HPCAL1: variants seen among roughly 807,000 people sequenced by gnomAD.
HPCAL1 encodes the protein hippocalcin-like protein 1.
Under a neutral mutation model 17.1 loss-of-function variants are expected in HPCAL1, and 8 were observed. That is an observed-to-expected ratio of 0.47 (90% CI 0.27 to 0.84). The LOEUF (loss-of-function observed/expected upper bound fraction) is 0.84, where lower values mean the gene tolerates loss of function less well. Among genes scored for constraint, HPCAL1 ranks in the 40% least tolerant of loss-of-function variants. HPCAL1 has a pLI of 0.13. For synonymous variants in HPCAL1, 112 were observed against 111.4 expected (o/e 1.01, Z -0.03); for missense variants, 165 against 271.1 (o/e 0.61, Z 2.75).
At chr2:10,375,609 A>G (rs554461700) in intron 1 of HPCAL1, among the ~76,000 whole-genome samples, 7 of 152,374 alleles carry the variant, frequency 4.6e-5, no homozygotes, top group East Asian at 1.9e-4. Context: ...ATTGACATCA[A>G]TTTGAGCCCA....
chr2:10,346,605 G>A (rs147142193), intron 1 of HPCAL1, among the ~76,000 whole-genome samples: 1 of 152,156 alleles, frequency 6.6e-6, no homozygotes, highest in South Asian at 2.1e-4. Context: ...TGACATAACC[G>A]GTCTACCAGG....
intron 1 of HPCAL1, among the ~76,000 whole-genome samples, chr2:10,372,226 C>T (rs538464119): frequency 1.7e-3 from 264 of 152,188 alleles, no homozygotes; most frequent in Middle Eastern, 3.4e-3. Flanking sequence ...TGAGCCATGG[C>T]GAGGAAGCTG....
intron 1 of HPCAL1, among the ~76,000 whole-genome samples, chr2:10,341,801 C>T (rs757885537): frequency 2.4e-4 from 37 of 152,026 alleles, no homozygotes; most frequent in Non-Finnish European, 4.0e-4. Context: ...CTGATTACCA[C>T]GGGAAAAATT....
intron 1 of HPCAL1, among the ~76,000 whole-genome samples, chr2:10,364,276 C>T (rs959742876): frequency 2.0e-5 from 3 of 152,184 alleles, no homozygotes; most frequent in African/African-American, 4.8e-5. Flanking sequence ...GGGGTCCCTC[C>T]GGGAAGCTGA....
chr2:10,407,001 C>T (rs957949995), intron 2 of HPCAL1, among the ~76,000 whole-genome samples: 1 of 152,116 alleles, frequency 6.6e-6, no homozygotes. Context: ...TCCAAAGACT[C>T]AAGCTGGAGT....
intron 2 of HPCAL1, among the ~76,000 whole-genome samples, chr2:10,412,037 G>C (rs143151404): frequency 2.5e-4 from 38 of 152,322 alleles, no homozygotes; most frequent in African/African-American, 8.9e-4. Context: ...GTTGGTCAGG[G>C]GTGGCTAATT....
chr2:10,335,980 C>T (rs544079927), intron 1 of HPCAL1, among the ~76,000 whole-genome samples: 16 of 139,124 alleles, frequency 1.2e-4, no homozygotes, highest in African/African-American at 4.5e-4. Context: ...TTCATATCCT[C>T]TGCTGTAAAT....
At chr2:10,407,877 G>C (rs10200205) in intron 2 of HPCAL1, among the ~76,000 whole-genome samples, 1,678 of 152,328 alleles carry the variant, frequency 0.011, 37 homozygotes, top group African/African-American at 0.039. Context: ...GAAGTGACGC[G>C]TTCAAAGCTG....
chr2:10,324,905 C>G (rs902897101), intron 1 of HPCAL1, among the ~76,000 whole-genome samples: 3 of 142,244 alleles, frequency 2.1e-5, no homozygotes, highest in Non-Finnish European at 3.0e-5. Context: ...TCACTGCAAT[C>G]TCCACCTCCC....
At chr2:10,320,423 C>A (rs567653619) in intron 1 of HPCAL1, among the ~76,000 whole-genome samples, 4 of 152,264 alleles carry the variant, frequency 2.6e-5, no homozygotes, top group Non-Finnish European at 5.9e-5. Flanking sequence ...AAGTGTGAAG[C>A]ACCTCCCCCT....
chr2:10,405,520 G>T (rs1161375589), intron 2 of HPCAL1, among the ~76,000 whole-genome samples: 1 of 152,258 alleles, frequency 6.6e-6, no homozygotes, highest in Non-Finnish European at 1.5e-5. Flanking sequence ...GTGAAACACG[G>T]TTCCCTGGGG....
At chr2:10,316,359 A>G (rs1663313194) in intron 1 of HPCAL1, among the ~76,000 whole-genome samples, 1 of 152,134 alleles carries the variant, frequency 6.6e-6, no homozygotes, top group African/African-American at 2.4e-5. Flanking sequence ...TGACCCCCAG[A>G]GAATGGGCCT....
chr2:10,412,779 C>A (rs1670433763), intron 2 of HPCAL1, among the ~76,000 whole-genome samples: 1 of 152,184 alleles, frequency 6.6e-6, no homozygotes, highest in Admixed American at 6.5e-5. Flanking sequence ...AATTTTGGGG[C>A]CCCAGTTGCC....
intron 1 of HPCAL1, among the ~76,000 whole-genome samples, chr2:10,366,274 C>T (rs1033546419): frequency 2.7e-4 from 41 of 152,266 alleles, no homozygotes; most frequent in African/African-American, 8.9e-4. Context: ...CTCGCTCTGT[C>T]GCCCAGGCTG....
In HPCAL1 at chr2:10,377,807, T is replaced by G. The variant is rs989215994; in HGVS notation, c.-110-19028T>G. On this transcript the variant is annotated intron_variant, in intron 1 of 4. Transcript: ENST00000307845. The surrounding 1 kb of genome is among the most constrained non-coding windows in gnomAD (Gnocchi z 5.9). ...AGGGACACCAGAATCCCCATCCCCA[T>G]CCCCAGGGTGGTGAGCCACCGAGGG... Among the ~76,000 whole-genome samples, 3 of 151,612 alleles carry G rather than the reference T, an allele frequency of 2.0e-5. No homozygotes were observed. Among genetic ancestry groups the G allele is most frequent in the Non-Finnish European group, 4.4e-5 (3 of 67,910 alleles).
intron 1 of HPCAL1, among the ~76,000 whole-genome samples, chr2:10,312,367 A>G (rs1663033687): frequency 9.0e-6 from 1 of 110,582 alleles, no homozygotes; most frequent in African/African-American, 3.3e-5. Context: ...CATCATCATC[A>G]CCATCACCAC....
chr2:10,369,100 CCAT>C (rs1667051353), intron 1 of HPCAL1: 1 of 152,174 alleles, frequency 6.6e-6, no homozygotes, highest in Admixed American at 6.5e-5. Flanking sequence ...TGGAACCTGC[CCAT>C]CACATCAAGG....
Position 10,359,277 on chromosome 2 carries a change from C to T in HPCAL1, c.-110-37558C>T, listed in dbSNP as rs538373045. Among the ~76,000 whole-genome samples, 3 of 152,062 alleles carry T rather than the reference C, an allele frequency of 2.0e-5. No homozygotes were observed. The highest frequency in any genetic ancestry group is 2.1e-4 in the South Asian group (1 of 4,810). On this transcript the variant is annotated intron_variant, in intron 1 of 4. Transcript: ENST00000307845. The surrounding 1 kb of genome is among the most constrained non-coding windows in gnomAD (Gnocchi z 4.1). Reference sequence around the variant, plus strand: ...CTATGTTTGCTGCGGGCTGGCTCGGCGAGGGGGAGGTGGGCAGCTGGGGGC... The same window carrying T: ...CTATGTTTGCTGCGGGCTGGCTCGGTGAGGGGGAGGTGGGCAGCTGGGGGC...
In HPCAL1 at chr2:10,351,777, C is replaced by CA. The variant is rs746223833; in HGVS notation, c.-110-45055dup. ...CTGTCTCAAATATAAAACAAACAAACAAATAAAGGGCAAAATTCTCCCTGT... is the reference window on the plus strand; with the variant it reads ...CTGTCTCAAATATAAAACAAACAAACAAAATAAAGGGCAAAATTCTCCCTGT... On this transcript the variant is annotated intron_variant, in intron 1 of 4. Transcript: ENST00000307845. Among the ~76,000 whole-genome samples, 9 of 151,844 alleles carry CA rather than the reference C, an allele frequency of 5.9e-5. 1 individual carries two copies. The South Asian group carries it at 6.3e-4, about 11-fold the overall frequency.
Sources: allele counts gnomAD v4.1 joint callset (sites outside exome capture counted in the v4.1 genomes callset), GRCh38; gene constraint gnomAD v4.1.1; non-coding constraint Gnocchi (gnomAD v3.1); transcripts MANE v1.5; gene names NCBI Gene and HGNC (gene_info 2026-07-23, HGNC 2026-07-21).